RHBDL2: variants seen among roughly 807,000 people sequenced by gnomAD.
RHBDL2 encodes rhomboid like 2, also known as rhomboid-related protein 2.
Under a neutral mutation model 31.7 loss-of-function variants are expected in RHBDL2, and 26 were observed. That is an observed-to-expected ratio of 0.82 (90% CI 0.60 to 1.14). The LOEUF (loss-of-function observed/expected upper bound fraction) is 1.14. Ranked by LOEUF, RHBDL2 falls within the 50% of genes most tolerant of loss-of-function variation. The pLI is 0.00. For missense variants in RHBDL2, 336 were observed against 364.4 expected (o/e 0.92, Z 0.63); for synonymous variants, 123 against 127.2 (o/e 0.97, Z 0.22).
At position 38,896,014 on chromosome 1, in the gene RHBDL2, T is replaced by A; in HGVS notation, c.564A>T (p.Gly188=). 1 of 1,613,926 alleles carries A rather than the reference T, an allele frequency of 6.2e-7. No homozygotes were observed. Among genetic ancestry groups the A allele is most frequent in the Non-Finnish European group, 8.5e-7 (1 of 1,179,910 alleles). ...AGCCTCCCATCAGAGCATAGACTCC[T>A]CCTGAAGCTCCCACAAGATATCTGA... ...DPLRYLVGAS[G]GVYALMGGYF... Residue 188 remains glycine (G), a synonymous_variant, in exon 5 of 8, where the codon GGA becomes GGT. Coordinates refer to ENST00000372990, the MANE Select transcript of RHBDL2 (RefSeq NM_017821.5).
chr1:38,908,161 GAAAAAAA>G lies in RHBDL2; in HGVS notation c.508+3154_508+3160del, dbSNP rs572425278. Among the ~76,000 whole-genome samples the G allele has an allele frequency of 2.8e-4, 23 of 83,272 alleles. No individual in the cohort carries two copies. The South Asian group carries it at 3.5e-3, about 13-fold the overall frequency. The allele number at this position is 83,272 out of a possible 152,430, so 54.6% of individuals were successfully genotyped here. On this transcript the variant is annotated intron_variant, in intron 4 of 7. Transcript: ENST00000372990. ...CATCTCAGAATGTTCCTCCAAATTT[GAAAAAAA>G]AAAAAAAAAAAAGATATTCAACATC...
At chr1:38,928,290 T>C (rs543040344) in intron 1 of RHBDL2, among the ~76,000 whole-genome samples, 44 of 151,694 alleles carry the variant, frequency 2.9e-4, no homozygotes, top group African/African-American at 1.0e-3. Context: ...TACAGGTGCC[T>C]GCCACCACGC....
At chr1:38,931,539 G>GA (rs1296346476) in intron 1 of RHBDL2, among the ~76,000 whole-genome samples, 1 of 109,496 alleles carries the variant, frequency 9.1e-6, no homozygotes, top group Admixed American at 8.9e-5. Context: ...AAAAAGAAAA[G>GA]AAAAAAGAAA....
At chr1:38,917,177 C>T (rs1251080923) in intron 2 of RHBDL2, among the ~76,000 whole-genome samples, 1 of 151,418 alleles carries the variant, frequency 6.6e-6, no homozygotes, top group Admixed American at 6.6e-5. Flanking sequence ...GCCACCATGC[C>T]CGGCTAATTT....
intron 1 of RHBDL2, among the ~76,000 whole-genome samples, chr1:38,940,256 T>C (rs975213158): frequency 1.3e-5 from 2 of 152,210 alleles, no homozygotes; most frequent in African/African-American, 4.8e-5. Flanking sequence ...TTGCTCAGTG[T>C]TGAGTGTGCA....
At chr1:38,896,200 C>T in intron 4 of RHBDL2, 131 bp from the exon 5 acceptor site, 1 of 642,166 alleles carries the variant, frequency 1.6e-6, no homozygotes, top group South Asian at 2.0e-5. Flanking sequence ...CTATTTTGCC[C>T]CTTTCATACC....
chr1:38,919,377 A>G lies in RHBDL2; in HGVS notation c.-125-40T>C, dbSNP rs564152192. The stretch of plus-strand genomic sequence containing the variant: ...AAGACAGCTGAAGATGATCAAAATG[A>G]TCTAAACCTCCTAAATGGCCCAAAA... On this transcript the variant is annotated intron_variant, in intron 1 of 7. Transcript: ENST00000372990. The G allele has an allele frequency of 3.5e-4, 528 of 1,510,720 alleles. No individual in the cohort carries two copies. In the African/African-American group the frequency reaches 6.6e-3, roughly 19 times the overall value. 93.6% of individuals were successfully genotyped at this position (1,510,720 alleles called of 1,614,324 possible).
rs1643150302 is a variant in RHBDL2, at chr1:38,911,695, A to G, written c.396-261T>C. On this transcript the variant is annotated intron_variant, in intron 3 of 7. Transcript: ENST00000372990. ...TGCTGTGTCTCCCAGCCAGGGGTGC[A>G]GTGGTGCAATCTCTGCTCACCAGAA... 2.6e-5 allele frequency among the ~76,000 whole-genome samples: 4 copies of G among 151,164 alleles called. No individual in the cohort carries two copies. The South Asian group carries it at 8.3e-4, about 32-fold the overall frequency.
At chr1:38,900,830 T>C (rs1019302652) in intron 4 of RHBDL2, among the ~76,000 whole-genome samples, 60 of 150,620 alleles carry the variant, frequency 4.0e-4, no homozygotes, top group African/African-American at 1.1e-3. Context: ...GGAGGATCAC[T>C]TGAGGTCAGG....
intron 2 of RHBDL2, among the ~76,000 whole-genome samples, chr1:38,916,737 G>A (rs1643241589): frequency 6.6e-6 from 1 of 151,314 alleles, no homozygotes; most frequent in African/African-American, 2.4e-5. Flanking sequence ...CAGGCGTGGT[G>A]GTGCACACCT....
intron 4 of RHBDL2, among the ~76,000 whole-genome samples, chr1:38,901,163 A>G (rs923899054): frequency 6.6e-6 from 1 of 151,796 alleles, no homozygotes; most frequent in Non-Finnish European, 1.5e-5. Flanking sequence ...GCATCCAATC[A>G]AAAATTATCA....
intron 4 of RHBDL2, among the ~76,000 whole-genome samples, chr1:38,900,602 A>C (rs972999288): frequency 6.6e-6 from 1 of 151,834 alleles, no homozygotes; most frequent in African/African-American, 2.4e-5. Context: ...CCTGGGCGAC[A>C]AGAGTTAGAC....
intron 6 of RHBDL2, among the ~76,000 whole-genome samples, chr1:38,890,039 CT>C (rs767253851): frequency 2.7e-3 from 368 of 138,258 alleles, no homozygotes; most frequent in African/African-American, 2.9e-3. Flanking sequence ...ATAATATTTT[CT>C]TTTTTTTTTT....
At chr1:38,913,816 G>A (rs1012376081) in intron 3 of RHBDL2, among the ~76,000 whole-genome samples, 24 of 152,072 alleles carry the variant, frequency 1.6e-4, no homozygotes, top group East Asian at 9.6e-4. Context: ...AAAGGCCATC[G>A]GCATTTAAGA....
chr1:38,901,870 A>G (rs1272226264), intron 4 of RHBDL2, among the ~76,000 whole-genome samples: 6 of 150,464 alleles, frequency 4.0e-5, no homozygotes, highest in Admixed American at 3.3e-4. Flanking sequence ...ATAAATAAAT[A>G]AAACAAAAAC....
At chr1:38,887,501 T>A (rs979740127) in intron 7 of RHBDL2, among the ~76,000 whole-genome samples, 2 of 152,212 alleles carry the variant, frequency 1.3e-5, no homozygotes, top group Admixed American at 6.5e-5. Flanking sequence ...CTCGGCTCAC[T>A]GCAACCTCCG....
At chr1:38,938,304 C>T (rs1200299547) in intron 1 of RHBDL2, among the ~76,000 whole-genome samples, 2 of 152,100 alleles carry the variant, frequency 1.3e-5, no homozygotes, top group Non-Finnish European at 2.9e-5. Flanking sequence ...CGTGAGCCAC[C>T]GCGCCCAGCC....
chr1:38,936,325 T>C (rs1338518223), intron 1 of RHBDL2, among the ~76,000 whole-genome samples: 3 of 152,066 alleles, frequency 2.0e-5, no homozygotes, highest in African/African-American at 7.3e-5. Context: ...GGGGGTTTTT[T>C]TGAGATGGAG....
At chr1:38,914,715 G>A (rs1187992244) in intron 3 of RHBDL2, among the ~76,000 whole-genome samples, 1 of 151,792 alleles carries the variant, frequency 6.6e-6, no homozygotes, top group Non-Finnish European at 1.5e-5. Context: ...ACTAATATTG[G>A]GCAGTTATAA....
Sources: allele counts gnomAD v4.1 joint callset (sites outside exome capture counted in the v4.1 genomes callset), GRCh38; gene constraint gnomAD v4.1.1; transcripts MANE v1.5; gene names NCBI Gene and HGNC (gene_info 2026-07-23, HGNC 2026-07-21).